The following ELP1 variants were observed in gnomAD, a reference collection of about 807,000 sequenced individuals.
The protein encoded by ELP1 is elongator complex protein 1.
A neutral mutation model predicts 183.2 loss-of-function variants in ELP1; 131 were observed. That is an observed-to-expected ratio of 0.72 (90% CI 0.62 to 0.83). ELP1 has a LOEUF of 0.83. Ranked by LOEUF, ELP1 falls within the 40% of genes least tolerant of loss-of-function variation. The pLI is 0.00. For synonymous variants in ELP1, 555 were observed against 569.0 expected (o/e 0.98, Z 0.35); for missense variants, 1,550 against 1,594.9 (o/e 0.97, Z 0.48).
Position 108,927,366 on chromosome 9 carries a change from G to C in ELP1, c.385+6C>G, listed in dbSNP as rs201780103. The C allele has an allele frequency of 1.1e-5, 17 of 1,609,110 alleles. No homozygotes were observed. In the Admixed American group the frequency reaches 2.8e-4, roughly 27 times the overall value. On this transcript the variant is annotated splice_donor_region_variant and intron_variant, in intron 4 of 36. Transcript: ENST00000374647. ...AAAGCCAGTGAGGCACCAGTAACAAGCTTACCTGTGGCAAGAAGCACCAGC... is the reference window on the plus strand; with the variant it reads ...AAAGCCAGTGAGGCACCAGTAACAACCTTACCTGTGGCAAGAAGCACCAGC...
At chr9:108,919,563 C>T (rs7029072) in intron 6 of ELP1, among the ~76,000 whole-genome samples, 2 of 150,052 alleles carry the variant, frequency 1.3e-5, no homozygotes, top group South Asian at 2.1e-4. Context: ...ATCCTCCTTT[C>T]GGCATTAAAA....
intron 12 of ELP1, among the ~76,000 whole-genome samples, chr9:108,908,900 T>C (rs1829111290): frequency 6.6e-6 from 1 of 152,124 alleles, no homozygotes; most frequent in African/African-American, 2.4e-5. Flanking sequence ...CACTCTGAAC[T>C]CACCCACCAC....
chr9:108,893,874 T>C, intron 26 of ELP1, 69 bp downstream of exon 26: 1 of 1,535,532 alleles, frequency 6.5e-7, no homozygotes, highest in Non-Finnish European at 9.0e-7. Flanking sequence ...ACTAACAGTT[T>C]AATTTATACC....
At chr9:108,921,859 C>T (rs11791855) in intron 6 of ELP1, among the ~76,000 whole-genome samples, 54,186 of 152,078 alleles carry the variant, frequency 0.36, 9,933 homozygotes, top group Admixed American at 0.45. Flanking sequence ...TCTACTAAAA[C>T]AAAAGCAGCA....
intron 29 of ELP1, among the ~76,000 whole-genome samples, chr9:108,887,872 G>A (rs1156651493): frequency 6.6e-6 from 1 of 152,118 alleles, no homozygotes; most frequent in Non-Finnish European, 1.5e-5. Context: ...AAAATGATAC[G>A]GCCACTGCAG....
chr9:108,874,151 G>T (rs1202581042), intron 36 of ELP1, among the ~76,000 whole-genome samples: 2 of 152,154 alleles, frequency 1.3e-5, no homozygotes, highest in African/African-American at 4.8e-5. Context: ...CTTGTCACAT[G>T]CTAGAAATGC....
At chr9:108,917,264 T>C (rs1356125716) in intron 9 of ELP1, among the ~76,000 whole-genome samples, 1 of 152,132 alleles carries the variant, frequency 6.6e-6, no homozygotes, top group Non-Finnish European at 1.5e-5. Context: ...GGTCAGGGGT[T>C]TGAGACCAGC....
intron 29 of ELP1, among the ~76,000 whole-genome samples, chr9:108,882,480 G>T (rs1230423665): frequency 6.6e-6 from 1 of 152,034 alleles, no homozygotes; most frequent in Admixed American, 6.5e-5. Flanking sequence ...CATCTCCCCA[G>T]CTTTACTACC....
Position 108,879,335 on chromosome 9 carries a change from ATAT to A in ELP1, c.3572+108_3572+110del, listed in dbSNP as rs1442549225. ...AACAACTTCCACACAGCGCTGAAGA[ATAT>A]TCTCCCCACTCCCACTACACCGTCC... is the stretch of plus-strand genomic sequence containing the variant. On this transcript the variant is annotated intron_variant, in intron 33 of 36. Transcript: ENST00000374647. The A allele has an allele frequency of 3.4e-5, 27 of 795,164 alleles. No homozygotes were observed. In the African/African-American group the frequency reaches 4.4e-4, roughly 13 times the overall value. 49.3% of individuals were successfully genotyped at this position (795,164 alleles called of 1,614,324 possible). A position where few individuals can be genotyped will look rare whatever the true frequency, so the allele number is the denominator to read the frequency against.
chr9:108,910,821 G>C (rs141425590), intron 12 of ELP1, among the ~76,000 whole-genome samples, 189 bp downstream of exon 12: 1 of 130,918 alleles, frequency 7.6e-6, no homozygotes, highest in African/African-American at 3.0e-5. Context: ...GTACAAACCA[G>C]TATAGGATTA....
intron 3 of ELP1, among the ~76,000 whole-genome samples, chr9:108,927,901 G>A (rs1014850798): frequency 3.3e-5 from 5 of 152,188 alleles, no homozygotes; most frequent in African/African-American, 1.2e-4. Flanking sequence ...AGGGTAGTGA[G>A]GGGCTGAGGG....
chr9:108,908,581 T>C (rs1829101921), intron 12 of ELP1, among the ~76,000 whole-genome samples, 177 bp from the exon 13 acceptor site: 1 of 152,160 alleles, frequency 6.6e-6, no homozygotes, highest in Admixed American at 6.5e-5. Flanking sequence ...GTCATAATCT[T>C]CCCTGACAAA....
chr9:108,917,144 C>G (rs1236004418), intron 9 of ELP1, among the ~76,000 whole-genome samples: 1 of 152,162 alleles, frequency 6.6e-6, no homozygotes, highest in Non-Finnish European at 1.5e-5. Flanking sequence ...TACTCTAAAG[C>G]TACTATTTAT....
chr9:108,879,380 T>C (rs1827825697), intron 33 of ELP1, 66 bp downstream of exon 33: 1 of 1,205,894 alleles, frequency 8.3e-7, no homozygotes, highest in African/African-American at 1.5e-5. Context: ...AAAACCAATC[T>C]ATTTGCTTCC....
At chr9:108,891,848 T>A (rs577103667) in intron 27 of ELP1, among the ~76,000 whole-genome samples, 2 of 152,142 alleles carry the variant, frequency 1.3e-5, no homozygotes, top group African/African-American at 4.8e-5. Context: ...GTCAGGAGAA[T>A]AAACCACGTG....
intron 12 of ELP1, among the ~76,000 whole-genome samples, chr9:108,909,239 C>A (rs1444179246): frequency 6.6e-6 from 1 of 152,104 alleles, no homozygotes; most frequent in Non-Finnish European, 1.5e-5. Flanking sequence ...CAGCACTTGC[C>A]ATCTGATAGA....
At chr9:108,922,024 G>A (rs1265252964) in intron 6 of ELP1, among the ~76,000 whole-genome samples, 2 of 152,102 alleles carry the variant, frequency 1.3e-5, no homozygotes, top group African/African-American at 4.8e-5. Flanking sequence ...CCCTGCCAAG[G>A]TCTCATAGCT....
At chr9:108,883,129 T>C (rs1827995484) in intron 29 of ELP1, among the ~76,000 whole-genome samples, 4 of 152,186 alleles carry the variant, frequency 2.6e-5, no homozygotes, top group African/African-American at 9.7e-5. Context: ...TCCAAAGTCA[T>C]GAAGATTTAG....
At chr9:108,900,873 C>T (rs1319146364) in intron 18 of ELP1, among the ~76,000 whole-genome samples, 6 of 17,608 alleles carry the variant, frequency 3.4e-4, no homozygotes, top group African/African-American at 5.8e-4. Context: ...CACACATACA[C>T]GCCACACACA....
Sources: allele counts gnomAD v4.1 joint callset (sites outside exome capture counted in the v4.1 genomes callset), GRCh38; gene constraint gnomAD v4.1.1; transcripts MANE v1.5; gene names NCBI Gene and HGNC (gene_info 2026-07-23, HGNC 2026-07-21).